CNTN4: variants seen among roughly 807,000 people sequenced by gnomAD.
The protein encoded by CNTN4 is contactin 4.
Under a neutral mutation model 122.5 loss-of-function variants are expected in CNTN4, and 77 were observed. That is an observed-to-expected ratio of 0.63 (90% CI 0.52 to 0.76). The LOEUF is 0.76. Among genes scored for constraint, CNTN4 ranks in the 30% least tolerant of loss-of-function variants. The probability of loss-of-function intolerance (pLI) is 0.00; values close to 1 mark genes in which losing one functional copy is unlikely to be tolerated. For missense variants in CNTN4, 1,256 were observed against 1,259.1 expected (o/e 1.00, Z 0.04); for synonymous variants, 512 against 447.0 (o/e 1.15, Z -1.83).
intron 4 of CNTN4, among the ~76,000 whole-genome samples, chr3:2,680,780 G>T (rs77766111): frequency 0.027 from 4,142 of 152,122 alleles, 189 homozygotes; most frequent in African/African-American, 0.093. Context: ...TATAAAGTTG[G>T]ATACCAGTTT....
chr3:2,729,689 C>T (rs1266654842), intron 4 of CNTN4, among the ~76,000 whole-genome samples: 6 of 152,026 alleles, frequency 3.9e-5, no homozygotes, highest in South Asian at 2.1e-4. Context: ...CGAAGGCAGG[C>T]GGATCACAAG....
chr3:2,362,466 G>A (rs546806631), intron 3 of CNTN4: 2 of 453,538 alleles, frequency 4.4e-6, no homozygotes, highest in African/African-American at 2.0e-5. Context: ...TCCTATATGA[G>A]GACTAGCAGT....
At chr3:2,717,572 T>C (rs1011492678) in intron 4 of CNTN4, among the ~76,000 whole-genome samples, 1 of 152,202 alleles carries the variant, frequency 6.6e-6, no homozygotes, top group East Asian at 1.9e-4. Context: ...ATCTAATAAG[T>C]CATAACTGTG....
intron 3 of CNTN4, among the ~76,000 whole-genome samples, chr3:2,358,172 A>G (rs768009844): frequency 5.3e-5 from 8 of 152,122 alleles, no homozygotes; most frequent in Non-Finnish European, 1.2e-4. Flanking sequence ...AGGATACAAT[A>G]TTTCTATCTA....
chr3:2,465,656 G>A (rs926734787), intron 3 of CNTN4, among the ~76,000 whole-genome samples: 6 of 151,902 alleles, frequency 3.9e-5, no homozygotes, highest in African/African-American at 1.5e-4. Context: ...CAGCCTAGGC[G>A]ACACAGCGAG....
At chr3:2,805,483 A>G (rs2092444200) in intron 6 of CNTN4, among the ~76,000 whole-genome samples, 1 of 152,212 alleles carries the variant, frequency 6.6e-6, no homozygotes, top group African/African-American at 2.4e-5. Flanking sequence ...GTAGCTGGAT[A>G]TTAGCTTGGC....
chr3:2,153,493 C>T (rs2035582082), intron 2 of CNTN4, among the ~76,000 whole-genome samples: 1 of 152,092 alleles, frequency 6.6e-6, no homozygotes, highest in South Asian at 2.1e-4. Context: ...GTTGGAGGTG[C>T]AAGCCTGATT....
intron 4 of CNTN4, among the ~76,000 whole-genome samples, chr3:2,585,116 C>T (rs530209165): frequency 4.6e-5 from 7 of 152,078 alleles, no homozygotes; most frequent in Non-Finnish European, 8.8e-5. Flanking sequence ...GTTTTTACAT[C>T]AAAACATGAC....
intron 2 of CNTN4, among the ~76,000 whole-genome samples, chr3:2,312,795 T>C (rs549932873): frequency 2.9e-4 from 44 of 152,214 alleles, no homozygotes; most frequent in Middle Eastern, 3.4e-3. Context: ...TAGGCCCTTT[T>C]GGATTTTTAA....
intron 14 of CNTN4, among the ~76,000 whole-genome samples, chr3:3,011,705 G>T (rs1023449394): frequency 1.3e-5 from 2 of 152,130 alleles, no homozygotes; most frequent in Non-Finnish European, 2.9e-5. Flanking sequence ...TCCTTGTAAA[G>T]TCGAGGCACA....
intron 3 of CNTN4, among the ~76,000 whole-genome samples, chr3:2,564,893 A>G (rs1174923196): frequency 1.3e-5 from 2 of 152,188 alleles, no homozygotes; most frequent in Non-Finnish European, 2.9e-5. Context: ...CTCTCGGGCT[A>G]TGGAAGACAT....
chr3:2,193,108 G>A (rs1285817217), intron 2 of CNTN4, among the ~76,000 whole-genome samples: 1 of 151,898 alleles, frequency 6.6e-6, no homozygotes, highest in Non-Finnish European at 1.5e-5. Context: ...TCCTTTCTTT[G>A]CCCATATTCT....
At chr3:2,801,775 G>C (rs1559518611) in intron 6 of CNTN4, among the ~76,000 whole-genome samples, 1 of 131,912 alleles carries the variant, frequency 7.6e-6, no homozygotes, top group Admixed American at 8.0e-5. Context: ...TCCCCTGAAA[G>C]TGTTTTTTTA....
chr3:2,369,810 C>T (rs1362780237), intron 3 of CNTN4, among the ~76,000 whole-genome samples: 2 of 152,064 alleles, frequency 1.3e-5, no homozygotes, highest in African/African-American at 2.4e-5. Flanking sequence ...GTAACAGTTG[C>T]ATTGATTTAG....
intron 3 of CNTN4, among the ~76,000 whole-genome samples, chr3:2,507,881 C>A (rs1483226560): frequency 6.6e-6 from 1 of 151,764 alleles, no homozygotes; most frequent in African/African-American, 2.4e-5. Context: ...TTTCTTCTCC[C>A]TCTCCACACA....
At chr3:2,282,152 A>T (rs1447682814) in intron 2 of CNTN4, among the ~76,000 whole-genome samples, 1 of 151,964 alleles carries the variant, frequency 6.6e-6, no homozygotes, top group African/African-American at 2.4e-5. Flanking sequence ...TTTATGGTTG[A>T]TTTTCTTGTG....
At chr3:2,590,364 C>G (rs2080410407) in intron 4 of CNTN4, among the ~76,000 whole-genome samples, 1 of 152,130 alleles carries the variant, frequency 6.6e-6, no homozygotes, top group Non-Finnish European at 1.5e-5. Flanking sequence ...TCAAGCAATT[C>G]TCATGCCTCA....
chr3:2,529,955 T>C (rs771917820), intron 3 of CNTN4, among the ~76,000 whole-genome samples: 5 of 152,194 alleles, frequency 3.3e-5, no homozygotes, highest in African/African-American at 4.8e-5. Context: ...CTCCTTGCAC[T>C]TGATATATTT....
At chr3:2,468,424 A>G (rs535944714) in intron 3 of CNTN4, among the ~76,000 whole-genome samples, 1 of 152,294 alleles carries the variant, frequency 6.6e-6, no homozygotes, top group African/African-American at 2.4e-5. Flanking sequence ...ACCATCAAGC[A>G]TATGAGATAA....
Sources: gnomAD v4.1 joint callset for allele counts (sites outside exome capture counted in the v4.1 genomes callset) on GRCh38, gnomAD v4.1.1 for gene constraint, MANE v1.5 for transcripts, NCBI Gene and HGNC (gene_info 2026-07-23, HGNC 2026-07-21) for gene names.